CDC42BPB: variants seen among roughly 807,000 people sequenced by gnomAD.
The protein encoded by CDC42BPB is serine/threonine-protein kinase MRCK beta.
Under a neutral mutation model 214.9 loss-of-function variants are expected in CDC42BPB, and 37 were observed. The ratio of observed to expected loss-of-function variants is 0.17; its 90% CI spans 0.13 to 0.23. The LOEUF (loss-of-function observed/expected upper bound fraction) is 0.23. Among genes scored for constraint, CDC42BPB ranks in the 10% least tolerant of loss-of-function variants. The probability of loss-of-function intolerance (pLI) is 1.00; values close to 1 mark genes in which losing one functional copy is unlikely to be tolerated. For missense variants in CDC42BPB, 1,694 were observed against 2,227.0 expected, an observed-to-expected ratio of 0.76 and a Z score of 4.82; for synonymous variants, 931 against 884.0, an observed-to-expected ratio of 1.05 and a Z score of -0.94.
chr14:102,959,783 G>C (rs1404477547), intron 20 of CDC42BPB, 73 bp from the exon 21 acceptor site: 1 of 1,333,336 alleles, frequency 7.5e-7, no homozygotes, highest in African/African-American at 1.6e-5. Flanking sequence ...CAGACTCAGT[G>C]TCTTCAAGAT....
At chr14:102,986,235 C>T (rs1468727011) in intron 6 of CDC42BPB, 1 of 394,552 alleles carries the variant, frequency 2.5e-6, no homozygotes, top group Non-Finnish European at 4.7e-6. Context: ...ATTGAGGAAA[C>T]CTGACAACTC....
rs766149282 is a variant in CDC42BPB, at chr14:102,964,576, C to T, written c.2652G>A (p.Glu884=). Residue 884 remains glutamate, a synonymous_variant, in exon 19 of 37, where the codon GAG becomes GAA. Coordinates refer to ENST00000361246, the MANE Select transcript of CDC42BPB (RefSeq NM_006035.4). ...SARLELQSAL[E]AEIRAKQLVQ... is the part of the protein sequence containing the mutation. ...CAAGCTGCTTGGCCCGGATCTCCGC[C>T]TCCAGGGCCGACTGCAGCTCCAGCC... is the stretch of plus-strand genomic sequence containing the variant. 6 of 1,613,992 alleles carry T rather than the reference C, an allele frequency of 3.7e-6. No individual in the cohort carries two copies. Among genetic ancestry groups the T allele is most frequent in the Admixed American group, 1.7e-5 (1 of 60,020 alleles).
At chr14:103,013,821 A>G (rs1349656802) in intron 1 of CDC42BPB, among the ~76,000 whole-genome samples, 1 of 152,106 alleles carries the variant, frequency 6.6e-6, no homozygotes, top group Non-Finnish European at 1.5e-5. Flanking sequence ...TGAGATAAAT[A>G]TCTGTTGTTT....
At chr14:103,041,577 C>T (rs61731157) in intron 1 of CDC42BPB, 34,623 of 1,141,244 alleles carry the variant, frequency 0.03, 1,575 homozygotes, top group African/African-American at 0.2. Flanking sequence ...GATGCAAGGC[C>T]GGGCAAGCTA....
At chr14:103,050,481 C>T (rs952403652) in intron 1 of CDC42BPB, among the ~76,000 whole-genome samples, 6 of 152,174 alleles carry the variant, frequency 3.9e-5, no homozygotes, top group Non-Finnish European at 7.4e-5. Context: ...CCTAACATAG[C>T]GGAGCGCAGT....
chr14:102,958,696 G>C (rs1324845492), intron 21 of CDC42BPB, among the ~76,000 whole-genome samples: 2 of 152,110 alleles, frequency 1.3e-5, no homozygotes, highest in African/African-American at 4.8e-5. Flanking sequence ...CTGCCTGAGG[G>C]GGTTGGCCTC....
chr14:102,967,684 C>G (rs1322246513), intron 16 of CDC42BPB, among the ~76,000 whole-genome samples: 1 of 151,814 alleles, frequency 6.6e-6, no homozygotes, highest in African/African-American at 2.4e-5. Context: ...ATCTGTGTAT[C>G]TCAACACAGA....
intron 34 of CDC42BPB, 77 bp from the exon 35 acceptor site, chr14:102,938,488 G>A (rs1891742045): frequency 1.9e-5 from 28 of 1,491,666 alleles, no homozygotes; most frequent in East Asian, 2.3e-5. Context: ...TGCAACCTAC[G>A]GTGGCTGTGG....
At chr14:102,966,550 A>T (rs1475890734) in intron 17 of CDC42BPB, 163 bp from the exon 18 acceptor site, 1 of 983,432 alleles carries the variant, frequency 1.0e-6, no homozygotes, top group Non-Finnish European at 1.2e-6. Flanking sequence ...TCATTGATGG[A>T]TGCGTCGTTA....
At chr14:103,018,139 T>C (rs1185223606) in intron 1 of CDC42BPB, among the ~76,000 whole-genome samples, 1 of 152,200 alleles carries the variant, frequency 6.6e-6, no homozygotes. Flanking sequence ...ATAGGGTTCG[T>C]GCTCCTATGA....
intron 5 of CDC42BPB, among the ~76,000 whole-genome samples, chr14:102,991,780 T>A (rs1415332019): frequency 6.6e-6 from 1 of 152,230 alleles, no homozygotes; most frequent in African/African-American, 2.4e-5. Context: ...TGAAATTTTT[T>A]AAGTTTGAAA....
chr14:103,051,165 GA>G lies in CDC42BPB; in HGVS notation c.175+5833del, dbSNP rs1595197300. The stretch of plus-strand genomic sequence containing the variant: ...TAGTGTATTTGGGGCGGGGGGGCGG[GA>G]GATTACTACACGCAGTTCACATTGC... On this transcript the variant is annotated intron_variant, in intron 1 of 36. Coordinates refer to ENST00000361246, the MANE Select transcript of CDC42BPB (RefSeq NM_006035.4). Among the ~76,000 whole-genome samples the G allele has an allele frequency of 8.2e-4, 48 of 58,772 alleles. 1 individual carries two copies. The East Asian group carries it at 0.018, about 22-fold the overall frequency. 38.6% of individuals were successfully genotyped at this position (58,772 alleles called of 152,430 possible).
rs1892618217 is a variant in CDC42BPB, at chr14:102,954,252, C to T, written c.3012G>A (p.Arg1004=). ...TGGTGGGCAACGGCACAGCGGATGG[C>T]CTCTGCGGGGGCCGAGCCATGTCCT... ...QQEDMARPPQ[R]PSAVPLPTTQ... Residue 1004 remains arginine, a synonymous_variant, in exon 23 of 37, where the codon AGG becomes AGA. Transcript: ENST00000361246. 1 of 1,538,980 alleles carries T rather than the reference C, an allele frequency of 6.5e-7. No homozygotes were observed. Among genetic ancestry groups the T allele is most frequent in the Non-Finnish European group, 8.7e-7 (1 of 1,143,944 alleles).
Position 103,057,357 on chromosome 14 carries a change from G to A in CDC42BPB, c.-184C>T. On this transcript the variant is annotated 5_prime_UTR_variant, in exon 1 of 37. Coordinates refer to ENST00000361246, the MANE Select transcript of CDC42BPB (RefSeq NM_006035.4). ...TCTTGGGCTCCGTCCCGACGGCGCAGAGTCTGGGGCGCCGGGCCCCGCGGG... is the reference window on the plus strand; with the variant it reads ...TCTTGGGCTCCGTCCCGACGGCGCAAAGTCTGGGGCGCCGGGCCCCGCGGG... 9.9e-7 allele frequency: 1 copy of A among 1,012,500 alleles called. No individual in the cohort carries two copies. Among genetic ancestry groups the A allele is most frequent in the Non-Finnish European group, 1.2e-6 (1 of 848,676 alleles). The allele number at this position is 1,012,500 out of a possible 1,614,324, so 62.7% of individuals were successfully genotyped here. A position where few individuals can be genotyped will look rare whatever the true frequency, so the allele number is the denominator to read the frequency against.
intron 22 of CDC42BPB, 33 bp downstream of exon 22, chr14:102,954,569 G>C: frequency 6.3e-7 from 1 of 1,584,194 alleles, no homozygotes; most frequent in Non-Finnish European, 8.7e-7. Flanking sequence ...GCAGACCCCA[G>C]GTGGGAGCAT....
chr14:102,934,394 C>T (rs186164798), intron 36 of CDC42BPB, among the ~76,000 whole-genome samples: 4 of 152,236 alleles, frequency 2.6e-5, no homozygotes, highest in African/African-American at 4.8e-5. Context: ...ATTAGCCGGG[C>T]GTGGCAGCAT....
intron 2 of CDC42BPB, among the ~76,000 whole-genome samples, chr14:103,009,340 C>T (rs965316590): frequency 2.6e-5 from 4 of 152,326 alleles, no homozygotes; most frequent in South Asian, 2.1e-4. Context: ...GTGCCAGAGA[C>T]GGTGTTGAGC....
chr14:103,038,993 G>A (rs1887831733), intron 1 of CDC42BPB, among the ~76,000 whole-genome samples: 1 of 152,088 alleles, frequency 6.6e-6, no homozygotes, highest in Non-Finnish European at 1.5e-5. Context: ...GAAAAACTAT[G>A]AACAACTGTA....
At chr14:102,982,058 C>T (rs867732347) in intron 7 of CDC42BPB, among the ~76,000 whole-genome samples, 4 of 152,082 alleles carry the variant, frequency 2.6e-5, no homozygotes, top group Admixed American at 6.5e-5. Flanking sequence ...CACAGGTGGT[C>T]GGCACTCAGT....
Sources: gnomAD v4.1 joint callset for allele counts (sites outside exome capture counted in the v4.1 genomes callset) on GRCh38, gnomAD v4.1.1 for gene constraint, MANE v1.5 for transcripts, NCBI Gene and HGNC (gene_info 2026-07-23, HGNC 2026-07-21) for gene names.